The following PRR5L variants were observed in gnomAD, a reference collection of about 807,000 sequenced individuals.
The protein encoded by PRR5L is proline rich 5 like.
Under a neutral mutation model 36.4 loss-of-function variants are expected in PRR5L, and 21 were observed. The ratio of observed to expected loss-of-function variants is 0.58; its 90% CI spans 0.41 to 0.83. PRR5L has a LOEUF of 0.83. Among genes scored for constraint, PRR5L ranks in the 40% least tolerant of loss-of-function variants. The pLI is 0.00. For synonymous variants in PRR5L, 188 were observed against 197.0 expected (o/e 0.95, Z 0.38); for missense variants, 381 against 473.3 (o/e 0.80, Z 1.81).
intron 1 of PRR5L, chr11:36,376,113 T>A: frequency 7.7e-7 from 1 of 1,303,406 alleles, no homozygotes; most frequent in Non-Finnish European, 1.0e-6. Context: ...CAATTTTTTT[T>A]TTTTAAGTCA....
chr11:36,329,989 G>C (rs570000664), intron 1 of PRR5L, among the ~76,000 whole-genome samples: 1 of 152,280 alleles, frequency 6.6e-6, no homozygotes, highest in African/African-American at 2.4e-5. Flanking sequence ...CTGATTCAAG[G>C]CACATCAGTC....
chr11:36,462,301 C>A (rs1859202256), intron 8 of PRR5L, 41 bp from the exon 9 acceptor site: 1 of 1,479,886 alleles, frequency 6.8e-7, no homozygotes, highest in Non-Finnish European at 9.0e-7. Context: ...GCACCAATAC[C>A]CCCTCCCCAA....
chr11:36,314,441 A>T (rs191404343), intron 1 of PRR5L, among the ~76,000 whole-genome samples: 1 of 152,296 alleles, frequency 6.6e-6, no homozygotes, highest in East Asian at 1.9e-4. Context: ...GAGGGGACGT[A>T]TATTGCACAT....
chr11:36,321,727 C>A (rs1029265798), intron 1 of PRR5L: 6 of 152,250 alleles, frequency 3.9e-5, no homozygotes, highest in African/African-American at 1.2e-4. Flanking sequence ...CAAAGGACCA[C>A]AAGCTGGGTG....
intron 1 of PRR5L, among the ~76,000 whole-genome samples, chr11:36,362,816 A>G (rs1022848754): frequency 6.6e-6 from 1 of 152,146 alleles, no homozygotes; most frequent in African/African-American, 2.4e-5. Flanking sequence ...ACAGACAGGT[A>G]AACTGATCAC....
At chr11:36,436,361 TTTGCCAGGGCCCGTC>T in intron 5 of PRR5L, among the ~76,000 whole-genome samples, 1 of 152,190 alleles carries the variant, frequency 6.6e-6, no homozygotes, top group East Asian at 1.9e-4. Flanking sequence ...CAGGCTCCTC[TTTGCCAGGGCCCGTC>T]TTTCCTGGAG....
intron 1 of PRR5L, among the ~76,000 whole-genome samples, chr11:36,364,835 G>A (rs180954740): frequency 6.6e-6 from 1 of 152,226 alleles, no homozygotes. Context: ...AAGGTGTGAC[G>A]TCGGGCAATT....
intron 1 of PRR5L, among the ~76,000 whole-genome samples, chr11:36,316,574 T>A (rs563121321): frequency 6.6e-6 from 1 of 152,200 alleles, no homozygotes; most frequent in African/African-American, 2.4e-5. Flanking sequence ...CTTGCTGTCT[T>A]CTGTTCCTGG....
intron 1 of PRR5L, among the ~76,000 whole-genome samples, chr11:36,351,328 T>G (rs1332756029): frequency 2.8e-5 from 2 of 71,450 alleles, no homozygotes; most frequent in African/African-American, 5.5e-5. Context: ...TTATAAATAT[T>G]TATATATATT....
intron 6 of PRR5L, among the ~76,000 whole-genome samples, chr11:36,440,169 C>A (rs571230702): frequency 6.6e-6 from 1 of 152,208 alleles, no homozygotes; most frequent in East Asian, 1.9e-4. Context: ...AGGCCAGATT[C>A]TGCATATAGA....
At chr11:36,383,852 C>T (rs945073477) in intron 1 of PRR5L, among the ~76,000 whole-genome samples, 2 of 152,112 alleles carry the variant, frequency 1.3e-5, no homozygotes, top group South Asian at 4.2e-4. Flanking sequence ...CCTGCCACCA[C>T]GCCCAGCTAA....
intron 1 of PRR5L, among the ~76,000 whole-genome samples, chr11:36,386,303 C>A (rs635454): frequency 0.76 from 115,190 of 152,138 alleles, 43,751 homozygotes; most frequent in East Asian, 0.8. Flanking sequence ...AAAAGTAAAA[C>A]TAATTAAAAA....
rs560602346 is a variant in PRR5L at position 36,423,748 on chromosome 11, AGAG to A, written c.294+4449_294+4451del. Among the ~76,000 whole-genome samples the A allele has an allele frequency of 2.5e-3, 375 of 152,350 alleles. 2 individuals are homozygous for A. The highest frequency in any genetic ancestry group is 8.1e-3 in the African/African-American group (338 of 41,572). Reference sequence around the variant, plus strand: ...TGGAGCGGGGATCTGGTGAGAAGACAGAGGAGAAGTTATGTTTTTAGGTGAGAG... The same window carrying A: ...TGGAGCGGGGATCTGGTGAGAAGACAGAGAAGTTATGTTTTTAGGTGAGAG... On this transcript the variant is annotated intron_variant, in intron 4 of 8. Transcript: ENST00000530639.
intron 1 of PRR5L, among the ~76,000 whole-genome samples, chr11:36,328,679 G>A (rs913572147): frequency 5.9e-5 from 9 of 152,044 alleles, no homozygotes; most frequent in African/African-American, 9.7e-5. Context: ...TGTTTTTCCC[G>A]ATGCCAACTT....
At chr11:36,418,870 A>G (rs530791628) in intron 3 of PRR5L, among the ~76,000 whole-genome samples, 1 of 152,332 alleles carries the variant, frequency 6.6e-6, no homozygotes, top group East Asian at 1.9e-4. Context: ...TGAAGAATGT[A>G]TGAAAAATGT....
chr11:36,347,726 TG>T (rs1459189275), intron 1 of PRR5L, among the ~76,000 whole-genome samples: 3 of 151,724 alleles, frequency 2.0e-5, no homozygotes, highest in African/African-American at 7.3e-5. Flanking sequence ...ATCCACTTCT[TG>T]TCAAGCAGAT....
chr11:36,460,356 C>T (rs1859153578), intron 8 of PRR5L, among the ~76,000 whole-genome samples: 1 of 152,168 alleles, frequency 6.6e-6, no homozygotes, highest in African/African-American at 2.4e-5. Context: ...CTGGGTCTCA[C>T]AAGCTGCCTC....
chr11:36,337,094 A>G (rs932385815), intron 1 of PRR5L, among the ~76,000 whole-genome samples: 4 of 152,230 alleles, frequency 2.6e-5, no homozygotes, highest in African/African-American at 4.8e-5. Context: ...TTGTTGCTAA[A>G]AAGCAACAAC....
intron 7 of PRR5L, among the ~76,000 whole-genome samples, 171 bp from the exon 8 acceptor site, chr11:36,451,038 A>G (rs74871834): frequency 0.011 from 1,728 of 152,338 alleles, 24 homozygotes; most frequent in East Asian, 0.042. Flanking sequence ...ACCCATGACA[A>G]GTGACTAAGG....
Sources: allele counts gnomAD v4.1 joint callset (sites outside exome capture counted in the v4.1 genomes callset), GRCh38; gene constraint gnomAD v4.1.1; transcripts MANE v1.5; gene names NCBI Gene and HGNC (gene_info 2026-07-23, HGNC 2026-07-21).